The following TRABD2B variants were observed in gnomAD, a reference collection of about 807,000 sequenced individuals.
TRABD2B encodes the protein TraB domain containing 2B.
A neutral mutation model predicts 40.1 loss-of-function variants in TRABD2B; 14 were observed. The ratio of observed to expected loss-of-function variants is 0.35; its 90% CI spans 0.23 to 0.55. The LOEUF (loss-of-function observed/expected upper bound fraction) is 0.55, where lower values mean the gene tolerates loss of function less well. TRABD2B is among the 20% of genes least tolerant of loss of function. TRABD2B has a pLI of 0.90. For missense variants in TRABD2B, 541 were observed against 648.6 expected, an observed-to-expected ratio of 0.83 and a Z score of 1.80; for synonymous variants, 263 against 277.0, an observed-to-expected ratio of 0.95 and a Z score of 0.50.
intron 2 of TRABD2B, among the ~76,000 whole-genome samples, chr1:47,930,983 C>T (rs1186365314): frequency 6.6e-6 from 1 of 152,150 alleles, no homozygotes; most frequent in Non-Finnish European, 1.5e-5. Flanking sequence ...ACTGACATTC[C>T]AGAATGTGGG....
At chr1:47,834,817 G>A (rs1557602082) in intron 2 of TRABD2B, among the ~76,000 whole-genome samples, 1 of 152,138 alleles carries the variant, frequency 6.6e-6, no homozygotes, top group Admixed American at 6.6e-5. Flanking sequence ...CTGATTTCCA[G>A]ATTTGCCACA....
At position 47,861,775 on chromosome 1, in the gene TRABD2B, C is replaced by T. The variant is rs117501047; in HGVS notation, c.667-60156G>A. Among the ~76,000 whole-genome samples, 70 of 152,286 alleles carry T rather than the reference C, an allele frequency of 4.6e-4. 1 individual carries two copies. The East Asian group carries it at 0.013, about 29-fold the overall frequency. On this transcript the variant is annotated intron_variant, in intron 2 of 6. Coordinates refer to ENST00000606738, the MANE Select transcript of TRABD2B (RefSeq NM_001194986.2). Reference sequence around the variant, plus strand: ...CCTAACTCATTCTGTGAGGCCTAACCTCAGCCAACCTCAAACCAGACAAAG... The same window carrying T: ...CCTAACTCATTCTGTGAGGCCTAACTTCAGCCAACCTCAAACCAGACAAAG...
chr1:47,940,452 G>A (rs371065516), intron 2 of TRABD2B, among the ~76,000 whole-genome samples: 10 of 152,342 alleles, frequency 6.6e-5, no homozygotes, highest in South Asian at 6.2e-4. Context: ...AAACTGAGGC[G>A]CAGAGACAGA....
intron 2 of TRABD2B, among the ~76,000 whole-genome samples, chr1:47,912,023 G>A (rs1197306146): frequency 1.3e-5 from 2 of 152,172 alleles, no homozygotes; most frequent in Non-Finnish European, 2.9e-5. Flanking sequence ...AAGCAGTTGG[G>A]ATGGATGTGG....
chr1:47,958,170 G>C (rs1336987302), intron 2 of TRABD2B, among the ~76,000 whole-genome samples: 1 of 148,968 alleles, frequency 6.7e-6, no homozygotes, highest in East Asian at 2.0e-4. Flanking sequence ...GAGAGATTTT[G>C]TCACCACCAG....
At chr1:47,861,294 G>A (rs369443121) in intron 2 of TRABD2B, among the ~76,000 whole-genome samples, 1 of 152,034 alleles carries the variant, frequency 6.6e-6, no homozygotes, top group Non-Finnish European at 1.5e-5. Context: ...GGGGGTGGCG[G>A]GGGTATGTTA....
intron 2 of TRABD2B, among the ~76,000 whole-genome samples, chr1:47,895,228 G>C (rs946797216): frequency 6.6e-6 from 1 of 152,100 alleles, no homozygotes; most frequent in Non-Finnish European, 1.5e-5. Context: ...AGGGGACGTG[G>C]ATAGTCTCTT....
At position 47,904,230 on chromosome 1, in the gene TRABD2B, G is replaced by A. The variant is rs557253091; in HGVS notation, c.666+89804C>T. Reference sequence around the variant, plus strand: ...ACCTTGAAAGATGGGTGGAAAGAATGTGGTAATAGGTCAGGGTCTTGGAGG... The same window carrying A: ...ACCTTGAAAGATGGGTGGAAAGAATATGGTAATAGGTCAGGGTCTTGGAGG... On this transcript the variant is annotated intron_variant, in intron 2 of 6. Transcript: ENST00000606738. 9.2e-5 allele frequency among the ~76,000 whole-genome samples: 14 copies of A among 152,298 alleles called. No homozygotes were observed. The South Asian group carries it at 2.9e-3, about 32-fold the overall frequency.
intron 2 of TRABD2B, among the ~76,000 whole-genome samples, chr1:47,842,114 C>G (rs898936968): frequency 1.3e-5 from 2 of 152,188 alleles, no homozygotes; most frequent in East Asian, 3.9e-4. Context: ...ACAAAGCTGG[C>G]TCCTGTGAAA....
intron 2 of TRABD2B, among the ~76,000 whole-genome samples, chr1:47,811,813 A>G (rs989122157): frequency 6.6e-6 from 1 of 152,236 alleles, no homozygotes; most frequent in African/African-American, 2.4e-5. Flanking sequence ...TCTCTGGGCC[A>G]CAGGGTTCCT....
At chr1:47,776,183 C>A (rs1032067840) in intron 5 of TRABD2B, among the ~76,000 whole-genome samples, 3 of 151,924 alleles carry the variant, frequency 2.0e-5, no homozygotes, top group Admixed American at 1.3e-4. Context: ...ATTGTGCATT[C>A]ATCCAACCTT....
chr1:47,923,918 ACACACAC>A (rs1450971383), intron 2 of TRABD2B, among the ~76,000 whole-genome samples: 3 of 1,546 alleles, frequency 1.9e-3, no homozygotes, highest in Admixed American at 8.3e-3. Flanking sequence ...ACACACATAC[ACACACAC>A]ACACACACAC....
At chr1:47,768,213 TG>T in intron 6 of TRABD2B, among the ~76,000 whole-genome samples, 1 of 152,328 alleles carries the variant, frequency 6.6e-6, no homozygotes, top group Middle Eastern at 3.4e-3. Flanking sequence ...TGATGTGCCA[TG>T]ATCTTCTGTC....
Position 47,996,815 on chromosome 1 carries a change from G to A in TRABD2B, c.-26C>T, listed in dbSNP as rs1387027209. 6 of 1,179,634 alleles carry A rather than the reference G, an allele frequency of 5.1e-6. No homozygotes were observed. The highest frequency in any genetic ancestry group is 1.6e-5 in the African/African-American group (1 of 62,294). The allele number at this position is 1,179,634 out of a possible 1,614,324, so 73.1% of individuals were successfully genotyped here. A position where few individuals can be genotyped will look rare whatever the true frequency, so the allele number is the denominator to read the frequency against. ...CCTGCCAGGGCCCGCGGGGCGCGGG[G>A]GACCCTCCTGGGCGGCGCCCCTCAG... is the stretch of plus-strand genomic sequence containing the variant. On this transcript the variant is annotated 5_prime_UTR_variant, in exon 1 of 7. Transcript: ENST00000606738. This position sits in a 1 kb window ranked among gnomAD's most constrained non-coding sequence, Gnocchi z 4.6.
intron 2 of TRABD2B, among the ~76,000 whole-genome samples, chr1:47,814,550 C>G (rs1460024626): frequency 1.1e-4 from 16 of 152,182 alleles, no homozygotes; most frequent in Admixed American, 1.0e-3. Context: ...TTAGAACTCT[C>G]CAACTCAGGG....
chr1:47,997,262 G>T lies in TRABD2B; in HGVS notation c.-473C>A, dbSNP rs1218716672. Reference sequence around the variant, plus strand: ...ACAAGTGCGGCGGAAGGCGCGGCAGGGGTGGGGGGCGGCTCTGGGGCGACC... The same window carrying T: ...ACAAGTGCGGCGGAAGGCGCGGCAGTGGTGGGGGGCGGCTCTGGGGCGACC... On this transcript the variant is annotated 5_prime_UTR_variant, in exon 1 of 7. Coordinates refer to ENST00000606738, the MANE Select transcript of TRABD2B (RefSeq NM_001194986.2). The T allele has an allele frequency of 1.0e-5, 10 of 976,786 alleles. No homozygotes were observed. The East Asian group carries it at 9.4e-4, about 91-fold the overall frequency. The allele number at this position is 976,786 out of a possible 1,614,324, so 60.5% of individuals were successfully genotyped here.
intron 6 of TRABD2B, among the ~76,000 whole-genome samples, chr1:47,774,903 T>C (rs1038108138): frequency 6.6e-6 from 1 of 152,256 alleles, no homozygotes; most frequent in African/African-American, 2.4e-5. Flanking sequence ...GAAAGCTGAG[T>C]GCAAAGCAGA....
intron 2 of TRABD2B, among the ~76,000 whole-genome samples, chr1:47,914,271 T>G (rs920944178): frequency 3.9e-5 from 6 of 152,250 alleles, no homozygotes; most frequent in Non-Finnish European, 8.8e-5. Flanking sequence ...GCCCAGGGAA[T>G]GCAAGCATTG....
intron 2 of TRABD2B, among the ~76,000 whole-genome samples, chr1:47,883,650 T>A (rs139340445): frequency 6.6e-6 from 1 of 152,274 alleles, no homozygotes; most frequent in Non-Finnish European, 1.5e-5. Context: ...AATAAATAAA[T>A]GCCCCAGTGC....
Sources: allele counts gnomAD v4.1 joint callset (sites outside exome capture counted in the v4.1 genomes callset), GRCh38; gene constraint gnomAD v4.1.1; non-coding constraint Gnocchi (gnomAD v3.1); transcripts MANE v1.5; gene names NCBI Gene and HGNC (gene_info 2026-07-23, HGNC 2026-07-21).